NRXN3: variants seen among roughly 807,000 people sequenced by gnomAD.
NRXN3 encodes neurexin III.
In NRXN3, 32 loss-of-function variants were observed where a neutral mutation model predicts 137.6. The observed-to-expected ratio is 0.23, with a 90% confidence interval of 0.18 to 0.31. The LOEUF (loss-of-function observed/expected upper bound fraction) is 0.31. NRXN3 is among the 10% of genes least tolerant of loss of function. The pLI, the probability that NRXN3 is intolerant of heterozygous loss-of-function variation, is 1.00. For synonymous variants in NRXN3, 798 were observed against 784.5 expected, an observed-to-expected ratio of 1.02 and a Z score of -0.29; for missense variants, 1,574 against 2,062.5, an observed-to-expected ratio of 0.76 and a Z score of 4.59.
intron 4 of NRXN3, among the ~76,000 whole-genome samples, chr14:78,389,385 C>T (rs1436474003): frequency 6.6e-6 from 1 of 152,086 alleles, no homozygotes; most frequent in Non-Finnish European, 1.5e-5. Context: ...TGAAACATTG[C>T]CTTCCAGGGA....
At position 79,697,804 on chromosome 14, in the gene NRXN3, G is replaced by A; in HGVS notation, c.3881G>A (p.Gly1294Glu). The change falls in exon 19 of 21, where the codon GGA becomes GAA. Residue 1294 changes from glycine to glutamate, a missense_variant. Physicochemically the swap from Gly to Glu is moderately conservative, Grantham distance 98. This residue lies in a region of NRXN3 where 320 missense variants were observed against 387.1 expected (regional missense o/e 0.83). Coordinates refer to ENST00000335750, the MANE Select transcript of NRXN3 (RefSeq NM_001330195.2). Reference protein sequence around the residue: ...IKINGSVRLVGEVPSILGTTQ... With the variant: ...IKINGSVRLVEEVPSILGTTQ... Reference sequence around the variant, plus strand: ...ATCAATGGAAGTGTTCGGCTGGTTGGAGAAGTCCCATCAATTTTGGGAACA... The same window carrying A: ...ATCAATGGAAGTGTTCGGCTGGTTGAAGAAGTCCCATCAATTTTGGGAACA... 1.2e-6 allele frequency: 2 copies of A among 1,613,224 alleles called. No individual in the cohort carries two copies. The highest frequency in any genetic ancestry group is 1.7e-6 in the Non-Finnish European group (2 of 1,179,492).
chr14:79,709,120 T>A (rs1407707420), intron 19 of NRXN3, among the ~76,000 whole-genome samples: 1 of 152,136 alleles, frequency 6.6e-6, no homozygotes, highest in Non-Finnish European at 1.5e-5. Context: ...TTAATGCACG[T>A]CCGGGGTGGT....
At chr14:79,750,655 A>G (rs555207866) in intron 19 of NRXN3, among the ~76,000 whole-genome samples, 22 of 152,212 alleles carry the variant, frequency 1.4e-4, no homozygotes, top group Non-Finnish European at 2.6e-4. Context: ...TCCCCACCCA[A>G]TCAGGGCAGG....
intron 16 of NRXN3, among the ~76,000 whole-genome samples, chr14:79,543,567 A>G (rs1481857627): frequency 4.6e-5 from 7 of 152,192 alleles, no homozygotes. Flanking sequence ...TTGTGGCCAC[A>G]GCATGAACTG....
At chr14:79,389,918 A>C (rs1291913778) in intron 15 of NRXN3, among the ~76,000 whole-genome samples, 1 of 152,230 alleles carries the variant, frequency 6.6e-6, no homozygotes, top group East Asian at 1.9e-4. Flanking sequence ...TTCTGAGTTG[A>C]ATTTGATTTA....
At position 78,188,896 on chromosome 14, in the gene NRXN3, C is replaced by T. The variant is rs948667803; in HGVS notation, c.-704+18222C>T. Among the ~76,000 whole-genome samples, 4 of 152,250 alleles carry T rather than the reference C, an allele frequency of 2.6e-5. No homozygotes were observed. The East Asian group carries it at 5.8e-4, about 22-fold the overall frequency. On this transcript the variant is annotated intron_variant, in intron 1 of 20. Coordinates refer to ENST00000335750, the MANE Select transcript of NRXN3 (RefSeq NM_001330195.2). ...AGAATGATGTCTGGCCTGGACCTCT[C>T]GCCAGACTCACTTTGTGTATGCATC...
intron 20 of NRXN3, among the ~76,000 whole-genome samples, chr14:79,814,456 A>G (rs1352197993): frequency 6.6e-6 from 1 of 152,236 alleles, no homozygotes; most frequent in East Asian, 1.9e-4. Flanking sequence ...TCACATTATA[A>G]GGCTGATCAC....
chr14:78,412,040 T>C (rs534300039), intron 4 of NRXN3, among the ~76,000 whole-genome samples: 2 of 152,350 alleles, frequency 1.3e-5, no homozygotes, highest in Admixed American at 6.5e-5. Context: ...TTATATTCCC[T>C]ACATCCTAGG....
intron 15 of NRXN3, among the ~76,000 whole-genome samples, chr14:78,994,509 G>A (rs61995275): frequency 0.02 from 3,117 of 152,288 alleles, 54 homozygotes; most frequent in Non-Finnish European, 0.031. Context: ...AGGCCTCATA[G>A]GGCTCAAATC....
At chr14:78,307,539 C>T (rs979785977) in intron 4 of NRXN3, among the ~76,000 whole-genome samples, 12 of 152,068 alleles carry the variant, frequency 7.9e-5, no homozygotes, top group Admixed American at 3.3e-4. Context: ...TGTGAGGTAG[C>T]TTTGCCCTGT....
intron 15 of NRXN3, among the ~76,000 whole-genome samples, chr14:79,171,259 C>G (rs1157099632): frequency 6.6e-6 from 1 of 152,108 alleles, no homozygotes; most frequent in Non-Finnish European, 1.5e-5. Context: ...AAGTGAAGAG[C>G]ATTTGCTCTT....
rs28627112 is a variant in NRXN3 at position 78,958,457 on chromosome 14, G to A, written c.2395+1096G>A. On this transcript the variant is annotated intron_variant, in intron 11 of 20. Coordinates refer to ENST00000335750, the MANE Select transcript of NRXN3 (RefSeq NM_001330195.2). ...TGCAAGCTCTGCCTCCCGGGTTCAC[G>A]CCATTCTCCTGCCTCAGCCTCCCGA... Among the ~76,000 whole-genome samples the A allele has an allele frequency of 1.5e-3, 234 of 151,436 alleles. 1 individual carries two copies. The highest frequency in any genetic ancestry group is 4.9e-3 in the African/African-American group (202 of 41,296).
At chr14:79,031,365 T>G (rs1338525167) in intron 15 of NRXN3, among the ~76,000 whole-genome samples, 1 of 152,148 alleles carries the variant, frequency 6.6e-6, no homozygotes, top group Non-Finnish European at 1.5e-5. Context: ...GGTAACACAT[T>G]ATTAGAATCA....
At chr14:79,134,395 G>C (rs1158688155) in intron 15 of NRXN3, among the ~76,000 whole-genome samples, 1 of 152,164 alleles carries the variant, frequency 6.6e-6, no homozygotes, top group Non-Finnish European at 1.5e-5. Context: ...AATGGTAAGA[G>C]ACTATCTTCT....
intron 4 of NRXN3, among the ~76,000 whole-genome samples, chr14:78,309,377 A>G (rs8018121): frequency 0.6 from 90,885 of 151,294 alleles, 27,602 homozygotes; most frequent in East Asian, 0.78. Flanking sequence ...GGGGTTTGGT[A>G]TAAATTATTT....
chr14:79,596,300 C>A (rs1028833090), intron 16 of NRXN3, among the ~76,000 whole-genome samples: 31 of 152,108 alleles, frequency 2.0e-4, no homozygotes, highest in Admixed American at 1.8e-3. Context: ...ACTAACATGA[C>A]CTTGGGGAAA....
chr14:79,366,924 T>A (rs1038374194), intron 15 of NRXN3, among the ~76,000 whole-genome samples: 1 of 151,602 alleles, frequency 6.6e-6, no homozygotes, highest in African/African-American at 2.4e-5. Flanking sequence ...AATCCATTTT[T>A]AAAATCTTTT....
intron 4 of NRXN3, among the ~76,000 whole-genome samples, chr14:78,560,407 C>A (rs2096775807): frequency 6.6e-6 from 1 of 152,208 alleles, no homozygotes; most frequent in African/African-American, 2.4e-5. Context: ...CAGGTCCCAA[C>A]CTTGCTGGGC....
intron 4 of NRXN3, among the ~76,000 whole-genome samples, chr14:78,382,827 T>C (rs1340833337): frequency 6.6e-6 from 1 of 152,160 alleles, no homozygotes; most frequent in East Asian, 1.9e-4. Context: ...CATTATCTCC[T>C]GGGGCTTGTG....
Sources: allele counts gnomAD v4.1 joint callset (sites outside exome capture counted in the v4.1 genomes callset), GRCh38; gene constraint gnomAD v4.1.1; regional missense constraint gnomAD v4.1.1; transcripts MANE v1.5; gene names NCBI Gene and HGNC (gene_info 2026-07-23, HGNC 2026-07-21).